ADGRG6: variants seen among roughly 807,000 people sequenced by gnomAD.
ADGRG6 encodes adhesion G protein-coupled receptor G6.
ADGRG6 carries 84 observed loss-of-function variants against 142.4 expected under a neutral mutation model. The ratio of observed to expected loss-of-function variants is 0.59; its 90% CI spans 0.49 to 0.71. The LOEUF is 0.71. Ranked by LOEUF, ADGRG6 falls within the 30% of genes least tolerant of loss-of-function variation. The probability of loss-of-function intolerance (pLI) is 0.00; values close to 1 mark genes in which losing one functional copy is unlikely to be tolerated. For synonymous variants in ADGRG6, 521 were observed against 520.5 expected, an observed-to-expected ratio of 1.00 and a Z score of -0.01; for missense variants, 1,367 against 1,466.6, an observed-to-expected ratio of 0.93 and a Z score of 1.11.
chr6:142,395,804 A>T (rs938745289), intron 9 of ADGRG6, among the ~76,000 whole-genome samples: 6 of 152,190 alleles, frequency 3.9e-5, no homozygotes, highest in African/African-American at 1.4e-4. Context: ...TCAAAACCAC[A>T]GTCTACTACT....
At chr6:142,330,046 ATTTGCCACTGCAATTTTTTTTT>A (rs766298742) in intron 2 of ADGRG6, among the ~76,000 whole-genome samples, 8 of 151,318 alleles carry the variant, frequency 5.3e-5, no homozygotes, top group African/African-American at 1.2e-4. Context: ...GAAATTTTTC[ATTTGCCACTGCAATTTTTTTTT>A]TTTGCCACTG....
intron 1 of ADGRG6, chr6:142,302,706 C>T: frequency 3.8e-6 from 1 of 263,050 alleles, no homozygotes. Flanking sequence ...GCCAAGAAGG[C>T]GCTCTCCGGA....
intron 2 of ADGRG6, among the ~76,000 whole-genome samples, chr6:142,337,467 A>G (rs1176139133): frequency 1.3e-5 from 2 of 152,190 alleles, no homozygotes; most frequent in East Asian, 1.9e-4. Flanking sequence ...TGGCAATGGC[A>G]CGCATGTTTG....
chr6:142,318,922 C>T (rs975830985), intron 2 of ADGRG6, among the ~76,000 whole-genome samples: 5 of 152,046 alleles, frequency 3.3e-5, no homozygotes, highest in African/African-American at 1.2e-4. Context: ...TCCAGCCCAG[C>T]AGGGGAGATA....
chr6:142,370,126 T>C, intron 3 of ADGRG6, 44 bp from the exon 4 acceptor site: 2 of 1,530,280 alleles, frequency 1.3e-6, no homozygotes, highest in Non-Finnish European at 1.8e-6. Context: ...TAGTCTGTGT[T>C]CTGAAGTTAA....
Position 142,314,971 on chromosome 6 carries a change from A to AGTGTGTGT in ADGRG6, c.103+5354_103+5361dup, listed in dbSNP as rs58848776. On this transcript the variant is annotated intron_variant, in intron 2 of 24. Coordinates refer to ENST00000367609, the MANE Select transcript of ADGRG6 (RefSeq NM_198569.3). ...TCCTTAGCCTACAGTCCAATCATGG[A>AGTGTGTGT]GTGTGTGTGTGTGTGTGTGTGTGTG... 2.9e-3 allele frequency among the ~76,000 whole-genome samples: 420 copies of AGTGTGTGT among 145,068 alleles called. 1 individual carries two copies. Among genetic ancestry groups the AGTGTGTGT allele is most frequent in the African/African-American group, 8.5e-3 (334 of 39,516 alleles).
intron 2 of ADGRG6, among the ~76,000 whole-genome samples, chr6:142,347,653 A>G (rs1779972040): frequency 6.6e-6 from 1 of 152,052 alleles, no homozygotes; most frequent in Non-Finnish European, 1.5e-5. Context: ...CTCTTCTTAG[A>G]CTTTTCTTTT....
chr6:142,326,590 A>G (rs529845561), intron 2 of ADGRG6, among the ~76,000 whole-genome samples: 1 of 151,902 alleles, frequency 6.6e-6, no homozygotes, highest in East Asian at 1.9e-4. Flanking sequence ...CCTTGTACAG[A>G]ACAGAGTTTT....
intron 2 of ADGRG6, among the ~76,000 whole-genome samples, chr6:142,334,429 A>G (rs2114681062): frequency 6.6e-6 from 1 of 152,324 alleles, no homozygotes; most frequent in East Asian, 1.9e-4. Flanking sequence ...TTAACAGATT[A>G]TAGAAGTGCT....
At chr6:142,311,622 G>A (rs541388973) in intron 2 of ADGRG6, among the ~76,000 whole-genome samples, 1 of 152,002 alleles carries the variant, frequency 6.6e-6, no homozygotes, top group Admixed American at 6.6e-5. Context: ...GAAGACTAGT[G>A]CTTAACTGAT....
intron 2 of ADGRG6, among the ~76,000 whole-genome samples, chr6:142,314,742 C>G (rs1247595730): frequency 6.6e-6 from 1 of 152,084 alleles, no homozygotes; most frequent in African/African-American, 2.4e-5. Flanking sequence ...GAGTGGTCAT[C>G]TGGAAGTGAT....
At position 142,338,017 on chromosome 6, in the gene ADGRG6, G is replaced by GTTTTTTTT. The variant is rs1181314373; in HGVS notation, c.103+28387_103+28394dup. 9.4e-3 allele frequency among the ~76,000 whole-genome samples: 332 copies of GTTTTTTTT among 35,372 alleles called. 114 individuals are homozygous for GTTTTTTTT. Among genetic ancestry groups the GTTTTTTTT allele is most frequent in the Middle Eastern group, 0.071 (2 of 28 alleles). 23.2% of individuals were successfully genotyped at this position (35,372 alleles called of 152,430 possible). On this transcript the variant is annotated intron_variant, in intron 2 of 24. Transcript: ENST00000367609. ...AATCCTTTTTATGCCTTGTATCTTT[G>GTTTTTTTT]TTTTTTTTTTTTTTTTTTTTTGAGA...
intron 20 of ADGRG6, among the ~76,000 whole-genome samples, chr6:142,416,926 T>A (rs1472951881): frequency 6.6e-6 from 1 of 152,164 alleles, no homozygotes; most frequent in Non-Finnish European, 1.5e-5. Context: ...ACTCTGCCAG[T>A]CTAACAAGGC....
intron 6 of ADGRG6, among the ~76,000 whole-genome samples, chr6:142,384,931 G>A (rs1344371913): frequency 1.3e-5 from 2 of 151,948 alleles, no homozygotes; most frequent in African/African-American, 4.8e-5. Context: ...TTACACCAAG[G>A]AGATTTATGA....
chr6:142,354,543 T>C (rs1183964039), intron 2 of ADGRG6, among the ~76,000 whole-genome samples: 1 of 152,220 alleles, frequency 6.6e-6, no homozygotes, highest in Non-Finnish European at 1.5e-5. Flanking sequence ...AAATTCAGTG[T>C]GATACCTACA....
intron 22 of ADGRG6, among the ~76,000 whole-genome samples, chr6:142,429,948 G>A (rs1425073268): frequency 6.6e-6 from 1 of 152,140 alleles, no homozygotes; most frequent in Non-Finnish European, 1.5e-5. Flanking sequence ...TTACTCAGGA[G>A]GCTGAGGCAA....
chr6:142,317,787 T>TA lies in ADGRG6; in HGVS notation c.103+8144dup, dbSNP rs575264397. 8.8e-3 allele frequency among the ~76,000 whole-genome samples: 826 copies of TA among 93,934 alleles called. 16 individuals carry two copies. Among genetic ancestry groups the TA allele is most frequent in the East Asian group, 0.05 (198 of 3,974 alleles). The allele number at this position is 93,934 out of a possible 152,430, so 61.6% of individuals were successfully genotyped here. On this transcript the variant is annotated intron_variant, in intron 2 of 24. Transcript: ENST00000367609. Reference sequence around the variant, plus strand: ...TATATTTATATCATATATATTTATATATAATATATATATTATATATATTTA... The same window carrying TA: ...TATATTTATATCATATATATTTATATAATAATATATATATTATATATATTTA...
At chr6:142,398,995 A>G (rs1195043697) in intron 10 of ADGRG6, among the ~76,000 whole-genome samples, 2 of 152,322 alleles carry the variant, frequency 1.3e-5, no homozygotes, top group Middle Eastern at 3.4e-3. Flanking sequence ...CACTTGTTGA[A>G]TAGACAAATG....
At chr6:142,306,031 T>C (rs1777478351) in intron 1 of ADGRG6, among the ~76,000 whole-genome samples, 1 of 152,228 alleles carries the variant, frequency 6.6e-6, no homozygotes, top group South Asian at 2.1e-4. Flanking sequence ...TAAGGTATTT[T>C]CTCTGCCATT....
Sources: gnomAD v4.1 joint callset for allele counts (sites outside exome capture counted in the v4.1 genomes callset) on GRCh38, gnomAD v4.1.1 for gene constraint, MANE v1.5 for transcripts, NCBI Gene and HGNC (gene_info 2026-07-23, HGNC 2026-07-21) for gene names.